The following MBD5 variants were observed in gnomAD, a reference collection of about 807,000 sequenced individuals.
MBD5 encodes the protein methyl-CpG-binding domain protein 5.
In MBD5, 13 loss-of-function variants were observed where a neutral mutation model predicts 117.3. That is an observed-to-expected ratio of 0.11 (90% CI 0.07 to 0.18). The LOEUF (loss-of-function observed/expected upper bound fraction) is 0.18. Among genes scored for constraint, MBD5 ranks in the 10% least tolerant of loss-of-function variants. The pLI is 1.00. For missense variants in MBD5, 1,879 were observed against 2,093.8 expected, an observed-to-expected ratio of 0.90 and a Z score of 2.00; for synonymous variants, 727 against 766.4, an observed-to-expected ratio of 0.95 and a Z score of 0.85.
chr2:148,490,924 A>C (rs1681504153), intron 11 of MBD5: 1 of 337,868 alleles, frequency 3.0e-6, no homozygotes, highest in Non-Finnish European at 5.6e-6. Flanking sequence ...CAGAGGAGGA[A>C]GGCAAGTGTC....
chr2:148,418,588 G>A (rs547548203), intron 4 of MBD5, among the ~76,000 whole-genome samples: 15 of 152,132 alleles, frequency 9.9e-5, no homozygotes, highest in Admixed American at 8.5e-4. Flanking sequence ...AAACAACCAA[G>A]CTGAGGATCA....
chr2:148,434,221 A>G (rs1416918538), intron 4 of MBD5, among the ~76,000 whole-genome samples: 1 of 151,892 alleles, frequency 6.6e-6, no homozygotes, highest in Non-Finnish European at 1.5e-5. Context: ...GTCGGTAGTA[A>G]CATACCCTTT....
chr2:148,294,967 C>T (rs533312974), intron 3 of MBD5, among the ~76,000 whole-genome samples: 3 of 152,256 alleles, frequency 2.0e-5, no homozygotes, highest in South Asian at 2.1e-4. Flanking sequence ...TTTTCTCTTA[C>T]TGCGTTCAAG....
chr2:148,428,060 T>C (rs1016849069), intron 4 of MBD5, among the ~76,000 whole-genome samples: 6 of 152,240 alleles, frequency 3.9e-5, no homozygotes, highest in Admixed American at 6.5e-5. Context: ...ATATTGTCTG[T>C]GTTTGCAGAT....
chr2:148,390,600 G>C (rs1209283136), intron 4 of MBD5, among the ~76,000 whole-genome samples: 1 of 150,366 alleles, frequency 6.7e-6, no homozygotes, highest in Non-Finnish European at 1.5e-5. Context: ...TTTTGAGATG[G>C]GGTCTCACTC....
chr2:148,420,798 C>T (rs1282033216), intron 4 of MBD5, among the ~76,000 whole-genome samples: 3 of 152,078 alleles, frequency 2.0e-5, no homozygotes, highest in Non-Finnish European at 4.4e-5. Flanking sequence ...GCTATCTCTG[C>T]TCACTGCAAC....
chr2:148,195,556 G>A (rs973465113), intron 2 of MBD5, among the ~76,000 whole-genome samples: 4 of 152,060 alleles, frequency 2.6e-5, no homozygotes, highest in East Asian at 1.9e-4. Flanking sequence ...TAACCTGACC[G>A]AATTGACATT....
chr2:148,418,276 T>G (rs191722926), intron 4 of MBD5, among the ~76,000 whole-genome samples: 53 of 152,360 alleles, frequency 3.5e-4, no homozygotes, highest in Non-Finnish European at 7.1e-4. Context: ...TCTTTTGCTG[T>G]GCAGAAGTGT....
At chr2:148,205,223 A>AC (rs1265732845) in intron 2 of MBD5, among the ~76,000 whole-genome samples, 3 of 151,296 alleles carry the variant, frequency 2.0e-5, no homozygotes, top group Admixed American at 6.6e-5. Flanking sequence ...GATTACAGGC[A>AC]CCCCCCACCA....
At chr2:148,424,260 A>G (rs1308296925) in intron 4 of MBD5, among the ~76,000 whole-genome samples, 1 of 150,572 alleles carries the variant, frequency 6.6e-6, no homozygotes, top group Non-Finnish European at 1.5e-5. Flanking sequence ...CAGACTTTAA[A>G]CCAACAAAGA....
intron 4 of MBD5, among the ~76,000 whole-genome samples, chr2:148,356,544 AATGCT>A (rs1170352032): frequency 6.6e-6 from 1 of 152,202 alleles, no homozygotes; most frequent in Non-Finnish European, 1.5e-5. Context: ...TAGCTAAAAC[AATGCT>A]ATATAACCAG....
intron 3 of MBD5, among the ~76,000 whole-genome samples, chr2:148,284,799 A>G (rs527637390): frequency 6.6e-6 from 1 of 152,284 alleles, no homozygotes; most frequent in Admixed American, 6.5e-5. Context: ...TATCAATTTT[A>G]ATATATACAT....
chr2:148,365,683 G>T (rs1421996715), intron 4 of MBD5, among the ~76,000 whole-genome samples: 1 of 152,158 alleles, frequency 6.6e-6, no homozygotes, highest in African/African-American at 2.4e-5. Flanking sequence ...ACTGCTATCA[G>T]ATAATACTAT....
rs1241014881 is a variant in MBD5, at chr2:148,483,512, G to A, written c.2921G>A (p.Ser974Asn). The A allele has an allele frequency of 1.9e-6, 3 of 1,611,772 alleles. No individual in the cohort carries two copies. Among genetic ancestry groups the A allele is most frequent in the African/African-American group, 2.7e-5 (2 of 74,910 alleles). ...NVNAALAFLS[S>N]DMDGQVLQPV... is the part of the protein sequence containing the mutation. Reference sequence around the variant, plus strand: ...AACGCTGCTTTAGCTTTTCTCTCCAGTGACATGGATGGGCAGGTATTGCAG... The same window carrying A: ...AACGCTGCTTTAGCTTTTCTCTCCAATGACATGGATGGGCAGGTATTGCAG... Residue 974 changes from serine (S) to asparagine (N), a missense_variant, in exon 9 of 14, where the codon AGT (serine) becomes AAT (asparagine). Ser to Asn is a conservative substitution (Grantham distance 46). Around this residue, in one of 4 missense-constraint regions of MBD5, gnomAD observed 1,666 missense variants for 1,792.2 expected, o/e 0.93. Coordinates refer to ENST00000642680, the MANE Select transcript of MBD5 (RefSeq NM_001378120.1).
chr2:148,139,476 C>A (rs536644823), intron 1 of MBD5, among the ~76,000 whole-genome samples: 1 of 152,132 alleles, frequency 6.6e-6, no homozygotes, highest in East Asian at 1.9e-4. Context: ...CCTCCGAAAG[C>A]GCTGGGATTA....
At chr2:148,317,790 C>A (rs1440903454) in intron 3 of MBD5, among the ~76,000 whole-genome samples, 1 of 152,182 alleles carries the variant, frequency 6.6e-6, no homozygotes, top group East Asian at 1.9e-4. Context: ...GACATGATTT[C>A]ATTCTTTTTT....
chr2:148,043,276 A>AT (rs1558899820), intron 1 of MBD5, among the ~76,000 whole-genome samples: 1 of 150,320 alleles, frequency 6.7e-6, no homozygotes, highest in African/African-American at 2.5e-5. Context: ...ATACAAAAAA[A>AT]AAATAAAAAA....
At chr2:148,438,586 C>G (rs1211501158) in intron 4 of MBD5, among the ~76,000 whole-genome samples, 1 of 152,000 alleles carries the variant, frequency 6.6e-6, no homozygotes, top group Non-Finnish European at 1.5e-5. Flanking sequence ...ACAGAGTTTT[C>G]CAGAGAGAGA....
At chr2:148,057,243 T>C (rs1039835378) in intron 1 of MBD5, among the ~76,000 whole-genome samples, 21 of 151,870 alleles carry the variant, frequency 1.4e-4, no homozygotes, top group African/African-American at 4.6e-4. Flanking sequence ...TTCTACATTT[T>C]AATTTTGCTT....
Sources: gnomAD v4.1 joint callset for allele counts (sites outside exome capture counted in the v4.1 genomes callset) on GRCh38, gnomAD v4.1.1 for gene constraint, gnomAD v4.1.1 regional missense constraint, MANE v1.5 for transcripts, NCBI Gene and HGNC (gene_info 2026-07-23, HGNC 2026-07-21) for gene names.